Variants in PRKCE observed in about 807,000 individuals in gnomAD.
PRKCE encodes the protein protein kinase C epsilon.
PRKCE carries 16 observed loss-of-function variants against 85.4 expected under a neutral mutation model. The ratio of observed to expected loss-of-function variants is 0.19; its 90% CI spans 0.13 to 0.28. PRKCE has a LOEUF of 0.28. Among genes scored for constraint, PRKCE ranks in the 10% least tolerant of loss-of-function variants. The probability of loss-of-function intolerance (pLI) is 1.00; values close to 1 mark genes in which losing one functional copy is unlikely to be tolerated. For synonymous variants in PRKCE, 388 were observed against 371.5 expected, an observed-to-expected ratio of 1.04 and a Z score of -0.51; for missense variants, 573 against 975.2, an observed-to-expected ratio of 0.59 and a Z score of 5.49.
rs1574310462 is a variant in PRKCE at position 46,041,091 on chromosome 2, G to A, written c.1437+30574G>A. Among the ~76,000 whole-genome samples, 1 of 152,210 alleles carries A rather than the reference G, an allele frequency of 6.6e-6. No individual in the cohort carries two copies. The highest frequency in any genetic ancestry group is 1.5e-5 in the Non-Finnish European group (1 of 68,040). On this transcript the variant is annotated intron_variant, in intron 10 of 14. Transcript: ENST00000306156. This position sits in a 1 kb window ranked among gnomAD's most constrained non-coding sequence, Gnocchi z 5.5. ...TCTATCTGTGAGTAGGTGGCACGAG[G>A]TATTCATTTCATAAGTAGGTTTGGA...
At chr2:46,134,032 A>C (rs1327720394) in intron 11 of PRKCE, among the ~76,000 whole-genome samples, 1 of 152,194 alleles carries the variant, frequency 6.6e-6, no homozygotes, top group East Asian at 1.9e-4. Context: ...GGAGAGTGCA[A>C]GAGAATGTTG....
chr2:45,858,252 C>G (rs1352488085), intron 2 of PRKCE, among the ~76,000 whole-genome samples: 1 of 152,202 alleles, frequency 6.6e-6, no homozygotes, highest in Non-Finnish European at 1.5e-5. Context: ...TGGAGAAGAA[C>G]CTATTTTGCT....
chr2:45,894,104 C>T (rs561055206), intron 2 of PRKCE, among the ~76,000 whole-genome samples: 12 of 152,292 alleles, frequency 7.9e-5, no homozygotes, highest in African/African-American at 2.2e-4. Flanking sequence ...TACACATTGT[C>T]GCACAGGGTT....
intron 1 of PRKCE, among the ~76,000 whole-genome samples, chr2:45,704,180 T>G (rs528328947): frequency 1.3e-5 from 2 of 152,342 alleles, no homozygotes; most frequent in East Asian, 3.9e-4. Flanking sequence ...ACTCCTTTCA[T>G]TGTTTTTAGG....
chr2:45,711,880 C>T (rs1372628897), intron 1 of PRKCE, among the ~76,000 whole-genome samples: 2 of 152,152 alleles, frequency 1.3e-5, no homozygotes, highest in African/African-American at 2.4e-5. Flanking sequence ...GCCTTGGCCT[C>T]CCAAAGTGCT....
chr2:45,858,841 G>A (rs922500630), intron 2 of PRKCE, among the ~76,000 whole-genome samples: 9 of 152,020 alleles, frequency 5.9e-5, no homozygotes, highest in Admixed American at 2.0e-4. Flanking sequence ...AGGAGTTTGA[G>A]ACCAGCCTGG....
At chr2:45,988,443 C>T (rs1177011770) in intron 6 of PRKCE, among the ~76,000 whole-genome samples, 1 of 152,136 alleles carries the variant, frequency 6.6e-6, no homozygotes, top group Non-Finnish European at 1.5e-5. Context: ...ATTATGTCTG[C>T]TTTTATGACA....
intron 11 of PRKCE, among the ~76,000 whole-genome samples, chr2:46,142,777 GC>G (rs1489469792): frequency 1.3e-5 from 2 of 152,252 alleles, no homozygotes; most frequent in East Asian, 3.8e-4. Flanking sequence ...CCCACCTGAG[GC>G]AATCCTGGGC....
At chr2:46,043,365 T>A (rs1708328948) in intron 10 of PRKCE, among the ~76,000 whole-genome samples, 1 of 152,240 alleles carries the variant, frequency 6.6e-6, no homozygotes. Flanking sequence ...CAAACAACTT[T>A]CATTCCAGCA....
At chr2:45,732,373 C>T (rs1681654685) in intron 1 of PRKCE, among the ~76,000 whole-genome samples, 1 of 152,134 alleles carries the variant, frequency 6.6e-6, no homozygotes, top group African/African-American at 2.4e-5. Context: ...TTAGTATCAA[C>T]TCACAGGGCA....
chr2:45,715,787 T>G (rs996805355), intron 1 of PRKCE, among the ~76,000 whole-genome samples: 2 of 152,176 alleles, frequency 1.3e-5, no homozygotes, highest in African/African-American at 4.8e-5. Context: ...CAATTATTTT[T>G]GGGGGTGAGG....
At chr2:45,965,014 C>G (rs1390055010) in intron 2 of PRKCE, among the ~76,000 whole-genome samples, 1 of 152,214 alleles carries the variant, frequency 6.6e-6, no homozygotes, top group African/African-American at 2.4e-5. Context: ...AGATGCTAAT[C>G]TTGAAATGCC....
At chr2:45,982,153 C>T (rs1293730180) in intron 5 of PRKCE, among the ~76,000 whole-genome samples, 1 of 152,252 alleles carries the variant, frequency 6.6e-6, no homozygotes, top group Non-Finnish European at 1.5e-5. Flanking sequence ...CTCTCCCCGC[C>T]ACCACCTTGT....
intron 2 of PRKCE, among the ~76,000 whole-genome samples, chr2:45,941,858 A>G (rs1699900448): frequency 6.6e-6 from 1 of 152,128 alleles, no homozygotes; most frequent in Admixed American, 6.5e-5. Context: ...TTCATTAATT[A>G]TGGGGGAGGG....
intron 1 of PRKCE, among the ~76,000 whole-genome samples, chr2:45,792,861 C>A (rs570883110): frequency 2.0e-5 from 3 of 152,188 alleles, no homozygotes; most frequent in Admixed American, 6.5e-5. Flanking sequence ...TACAGTGGCA[C>A]GATCTCGGCT....
intron 1 of PRKCE, among the ~76,000 whole-genome samples, chr2:45,684,994 T>C (rs905108512): frequency 6.6e-6 from 1 of 152,202 alleles, no homozygotes; most frequent in African/African-American, 2.4e-5. Context: ...GGTTAGAAAG[T>C]CTGTTCCTGG....
intron 10 of PRKCE, among the ~76,000 whole-genome samples, chr2:46,054,111 T>G (rs1666334936): frequency 6.6e-6 from 1 of 152,242 alleles, no homozygotes; most frequent in African/African-American, 2.4e-5. Flanking sequence ...ATTTTGTGCT[T>G]TTTATATAGC....
chr2:45,914,401 TG>T (rs1211235350), intron 2 of PRKCE, among the ~76,000 whole-genome samples: 5 of 152,222 alleles, frequency 3.3e-5, no homozygotes, highest in African/African-American at 7.2e-5. Context: ...TCCAGAGGGC[TG>T]GTGGCTCCCT....
intron 10 of PRKCE, among the ~76,000 whole-genome samples, chr2:46,066,965 T>G (rs1407867129): frequency 6.6e-6 from 1 of 152,226 alleles, no homozygotes; most frequent in Admixed American, 6.5e-5. Flanking sequence ...TGACATTGTA[T>G]TACTTCTGTG....
Sources: gnomAD v4.1 joint callset for allele counts (sites outside exome capture counted in the v4.1 genomes callset) on GRCh38, gnomAD v4.1.1 for gene constraint, Gnocchi (gnomAD v3.1) non-coding constraint, MANE v1.5 for transcripts, NCBI Gene and HGNC (gene_info 2026-07-23, HGNC 2026-07-21) for gene names.